Variants in COX18 observed in about 807,000 individuals in gnomAD.
COX18 encodes cytochrome c oxidase assembly protein COX18, mitochondrial.
COX18 carries 45 observed loss-of-function variants against 38.0 expected under a neutral mutation model. The ratio of observed to expected loss-of-function variants is 1.18; its 90% confidence interval spans 0.93 to 1.52. The LOEUF (loss-of-function observed/expected upper bound fraction) is 1.52, where lower values mean the gene tolerates loss of function less well. COX18 is among the 40% of genes most tolerant of loss of function. The pLI, the probability that COX18 is intolerant of heterozygous loss-of-function variation, is 0.00. For missense variants in COX18, 462 were observed against 423.8 expected (o/e 1.09, Z -0.79); for synonymous variants, 177 against 169.8 (o/e 1.04, Z -0.33).
rs1468330318 is a variant in COX18 at position 73,053,753 on chromosome 4, G to A, written c.*4361C>T. The A allele has an allele frequency of 3.3e-5, 5 of 152,176 alleles. No individual in the cohort carries two copies. Among genetic ancestry groups the A allele is most frequent in the African/African-American group, 1.2e-4 (5 of 41,432 alleles). The allele number at this position is 152,176 out of a possible 1,614,324, so 9.4% of individuals were successfully genotyped here. ...GCACCTTCTCCTGGGTTATCTGTCA[G>A]GGTGGCAATTAAGAATTTTGGTTTT... On this transcript the variant is annotated 3_prime_UTR_variant, in exon 6 of 6. Coordinates refer to ENST00000507544, the MANE Select transcript of COX18 (RefSeq NM_001297732.2).
Position 73,058,062 on chromosome 4 carries a change from C to T in COX18, c.*52G>A. 2.6e-6 allele frequency: 3 copies of T among 1,153,674 alleles called. No homozygotes were observed. The highest frequency in any genetic ancestry group is 3.8e-6 in the Non-Finnish European group (3 of 796,034). 71.5% of individuals were successfully genotyped at this position (1,153,674 alleles called of 1,614,324 possible). On this transcript the variant is annotated 3_prime_UTR_variant, in exon 6 of 6. Coordinates refer to ENST00000507544, the MANE Select transcript of COX18 (RefSeq NM_001297732.2). Reference sequence around the variant, plus strand: ...ACATCTGAATTTCTAAGTCTAAATACATTTAGATGATAGTGACTCCTGCAA... The same window carrying T: ...ACATCTGAATTTCTAAGTCTAAATATATTTAGATGATAGTGACTCCTGCAA...
rs1313828550 is a variant in COX18, at chr4:73,056,504, G to GA, written c.*1609dup. 3 of 152,182 alleles carry GA rather than the reference G, an allele frequency of 2.0e-5. No homozygotes were observed. Among genetic ancestry groups the GA allele is most frequent in the Admixed American group, 6.5e-5 (1 of 15,268 alleles). The allele number at this position is 152,182 out of a possible 1,614,324, so 9.4% of individuals were successfully genotyped here. A position where few individuals can be genotyped will look rare whatever the true frequency, so the allele number is the denominator to read the frequency against. ...CAGACTTCTTAAATTATAGAAAAAG[G>GA]AATGTACACTTTTTGTATTCTTTCT... On this transcript the variant is annotated 3_prime_UTR_variant, in exon 6 of 6. Transcript: ENST00000507544.
At position 73,065,238 on chromosome 4, in the gene COX18, T is replaced by C. The variant is rs760331285; in HGVS notation, c.598+12A>G. 2.6e-6 allele frequency: 4 copies of C among 1,535,334 alleles called. No homozygotes were observed. Among genetic ancestry groups the C allele is most frequent in the African/African-American group, 2.8e-5 (2 of 71,602 alleles). ...TAGAGAACTTCTTTGGGAGAAGACA[T>C]ACAATAATTACCTTCTGAATGTGCT... On this transcript the variant is annotated intron_variant, in intron 3 of 5. Transcript: ENST00000507544.
At chr4:73,061,957 T>A in intron 4 of COX18, 37 bp from the exon 5 acceptor site, 1 of 1,038,614 alleles carries the variant, frequency 9.6e-7, no homozygotes, top group Non-Finnish European at 1.5e-6. Context: ...TAATGATTAT[T>A]AAAACGCATA....
Position 73,056,915 on chromosome 4 carries a change from G to C in COX18, c.*1199C>G, listed in dbSNP as rs1487114259. 6.6e-6 allele frequency: 1 copy of C among 152,236 alleles called. No individual in the cohort carries two copies. Among genetic ancestry groups the C allele is most frequent in the African/African-American group, 2.4e-5 (1 of 41,408 alleles). The allele number at this position is 152,236 out of a possible 1,614,324, so 9.4% of individuals were successfully genotyped here. A position where few individuals can be genotyped will look rare whatever the true frequency, so the allele number is the denominator to read the frequency against. On this transcript the variant is annotated 3_prime_UTR_variant, in exon 6 of 6. Coordinates refer to ENST00000507544, the MANE Select transcript of COX18 (RefSeq NM_001297732.2). ...GTGGGCAGATCACTTGAGGCCAGGAGTTCAAGACCAGCCTAGCCAACATGG... is the reference window on the plus strand; with the variant it reads ...GTGGGCAGATCACTTGAGGCCAGGACTTCAAGACCAGCCTAGCCAACATGG...
rs554396142 is a variant in COX18, at chr4:73,055,131, G to A, written c.*2983C>T. On this transcript the variant is annotated 3_prime_UTR_variant, in exon 6 of 6. Transcript: ENST00000507544. ...AGGCCATTATGAGAAAAATATCTGA[G>A]TGTACACAGTAACACACACGGCAAA... 2 of 152,156 alleles carry A rather than the reference G, an allele frequency of 1.3e-5. No individual in the cohort carries two copies. The highest frequency in any genetic ancestry group is 2.9e-5 in the Non-Finnish European group (2 of 68,042). 9.4% of individuals were successfully genotyped at this position (152,156 alleles called of 1,614,324 possible). A position where few individuals can be genotyped will look rare whatever the true frequency, so the allele number is the denominator to read the frequency against.
At chr4:73,061,752 G>C in intron 5 of COX18, 61 bp downstream of exon 5, 1 of 874,634 alleles carries the variant, frequency 1.1e-6, no homozygotes, top group Non-Finnish European at 1.8e-6. Flanking sequence ...ATCCCAGCCA[G>C]TCTAAGCTAA....
In COX18 at chr4:73,056,358, A is replaced by C. The variant is rs1719886112; in HGVS notation, c.*1756T>G. 1 of 152,252 alleles carries C rather than the reference A, an allele frequency of 6.6e-6. No individual in the cohort carries two copies. The highest frequency in any genetic ancestry group is 1.5e-5 in the Non-Finnish European group (1 of 68,048). The allele number at this position is 152,252 out of a possible 1,614,324, so 9.4% of individuals were successfully genotyped here. A position where few individuals can be genotyped will look rare whatever the true frequency, so the allele number is the denominator to read the frequency against. ...GGGTACTTAATCCTTACAAATAAACAGGTTTAAAATCACCTCAATAGGCAA... is the reference window on the plus strand; with the variant it reads ...GGGTACTTAATCCTTACAAATAAACCGGTTTAAAATCACCTCAATAGGCAA... On this transcript the variant is annotated 3_prime_UTR_variant, in exon 6 of 6. Transcript: ENST00000507544.
At chr4:73,067,469 TTCTTA>T (rs767729488) in intron 2 of COX18, among the ~76,000 whole-genome samples, 1 of 152,194 alleles carries the variant, frequency 6.6e-6, no homozygotes, top group Non-Finnish European at 1.5e-5. Flanking sequence ...GAACATACTC[TTCTTA>T]TCTTTATCTA....
In COX18 at chr4:73,057,984, T is replaced by C; in HGVS notation, c.*130A>G. On this transcript the variant is annotated 3_prime_UTR_variant, in exon 6 of 6. Transcript: ENST00000507544. ...ACTGTGCCTGGTCTGGATTACATCTTAACCTACAATATTTCATGAAGTTAA... is the reference window on the plus strand; with the variant it reads ...ACTGTGCCTGGTCTGGATTACATCTCAACCTACAATATTTCATGAAGTTAA... The C allele has an allele frequency of 1.4e-6, 1 of 692,534 alleles. No individual in the cohort carries two copies. Among genetic ancestry groups the C allele is most frequent in the East Asian group, 3.0e-5 (1 of 33,174 alleles). 42.9% of individuals were successfully genotyped at this position (692,534 alleles called of 1,614,324 possible).
rs2110040792 is a variant in COX18 at position 73,055,220 on chromosome 4, T to A, written c.*2894A>T. On this transcript the variant is annotated 3_prime_UTR_variant, in exon 6 of 6. Transcript: ENST00000507544. ...TTTTCCTCAAATTCTTTCCTCTTTTTACTATGACCTAAGCTGCACACACAT... is the reference window on the plus strand; with the variant it reads ...TTTTCCTCAAATTCTTTCCTCTTTTAACTATGACCTAAGCTGCACACACAT... 1 of 152,372 alleles carries A rather than the reference T, an allele frequency of 6.6e-6. No individual in the cohort carries two copies. Among genetic ancestry groups the A allele is most frequent in the Non-Finnish European group, 1.5e-5 (1 of 68,040 alleles). The allele number at this position is 152,372 out of a possible 1,614,324, so 9.4% of individuals were successfully genotyped here.
In COX18 at chr4:73,062,509, T is replaced by C. The variant is rs533761982; in HGVS notation, c.724-589A>G. Among the ~76,000 whole-genome samples, 179 of 152,318 alleles carry C rather than the reference T, an allele frequency of 1.2e-3. 1 individual carries two copies. Among genetic ancestry groups the C allele is most frequent in the African/African-American group, 3.9e-3 (164 of 41,584 alleles). ...AAGCTCCACTTAACAATGATTTATATGGTAGCTACTGTCACAGGATTCTTC... is the reference window on the plus strand; with the variant it reads ...AAGCTCCACTTAACAATGATTTATACGGTAGCTACTGTCACAGGATTCTTC... On this transcript the variant is annotated intron_variant, in intron 4 of 5. Coordinates refer to ENST00000507544, the MANE Select transcript of COX18 (RefSeq NM_001297732.2).
intron 2 of COX18, 39 bp downstream of exon 2, chr4:73,067,980 GTGTGTGTGTA>G: frequency 2.0e-6 from 2 of 983,246 alleles, no homozygotes; most frequent in African/African-American, 1.6e-5. Flanking sequence ...GTGTGTGTGT[GTGTGTGTGTA>G]TGTGTGCGTA....
At chr4:73,066,826 T>C (rs1370165377) in intron 2 of COX18, among the ~76,000 whole-genome samples, 1 of 152,250 alleles carries the variant, frequency 6.6e-6, no homozygotes, top group Non-Finnish European at 1.5e-5. Context: ...TTTTTTAAAA[T>C]GTCAGATCTT....
rs1475468971 is a variant in COX18, at chr4:73,069,672, G to A, written c.-23C>T. 2 of 1,538,124 alleles carry A rather than the reference G, an allele frequency of 1.3e-6. No individual in the cohort carries two copies. Among genetic ancestry groups the A allele is most frequent in the African/African-American group, 1.4e-5 (1 of 73,444 alleles). On this transcript the variant is annotated 5_prime_UTR_variant, in exon 1 of 6. Coordinates refer to ENST00000507544, the MANE Select transcript of COX18 (RefSeq NM_001297732.2). ...CATTTCTGCACCACGGCGGAGCCCA[G>A]ATCCCGGGCCTCACAATCCAGCGGA... is the stretch of plus-strand genomic sequence containing the variant.
chr4:73,069,348 A>G lies in COX18; in HGVS notation c.302T>C (p.Leu101Ser). Residue 101 changes from leucine (L) to serine (S), a missense_variant, in exon 1 of 6, where the codon TTG becomes TCG. Physicochemically the swap from Leu to Ser is moderately radical, Grantham distance 145. Coordinates refer to ENST00000507544, the MANE Select transcript of COX18 (RefSeq NM_001297732.2). Reference protein sequence around the residue: ...VALRGAVTLPLAAYQHYILAK... With the variant: ...VALRGAVTLPSAAYQHYILAK... Reference sequence around the variant, plus strand: ...CAGGATGTAGTGCTGGTAGGCTGCCAAAGGCAGCGTGACAGCACCCCGTAA... The same window carrying G: ...CAGGATGTAGTGCTGGTAGGCTGCCGAAGGCAGCGTGACAGCACCCCGTAA... 4 of 1,550,760 alleles carry G rather than the reference A, an allele frequency of 2.6e-6. No individual in the cohort carries two copies. In the South Asian group the frequency reaches 4.7e-5, roughly 18 times the overall value.
chr4:73,062,832 C>G (rs527401770), intron 4 of COX18, among the ~76,000 whole-genome samples: 14 of 146,066 alleles, frequency 9.6e-5, no homozygotes, highest in Non-Finnish European at 2.0e-4. Context: ...GTAAGACCGT[C>G]TCCAAAAAAA....
rs1249235639 is a variant in COX18, at chr4:73,068,831, A to T, written c.333+486T>A. 3.9e-5 allele frequency among the ~76,000 whole-genome samples: 6 copies of T among 152,268 alleles called. No homozygotes were observed. The East Asian group carries it at 1.2e-3, about 29-fold the overall frequency. Reference sequence around the variant, plus strand: ...ATTAAAAGGTCAAGTAACTGCGACCAACCAGACACAGTCTTAGTCGGGTCT... The same window carrying T: ...ATTAAAAGGTCAAGTAACTGCGACCTACCAGACACAGTCTTAGTCGGGTCT... On this transcript the variant is annotated intron_variant, in intron 1 of 5. Coordinates refer to ENST00000507544, the MANE Select transcript of COX18 (RefSeq NM_001297732.2).
At chr4:73,066,053 T>C (rs1003518238) in intron 2 of COX18, among the ~76,000 whole-genome samples, 1 of 152,228 alleles carries the variant, frequency 6.6e-6, no homozygotes, top group African/African-American at 2.4e-5. Flanking sequence ...GTGTTCTATT[T>C]TATTCATCTT....
Sources: allele counts gnomAD v4.1 joint callset (sites outside exome capture counted in the v4.1 genomes callset), GRCh38; gene constraint gnomAD v4.1.1; transcripts MANE v1.5; gene names NCBI Gene and HGNC (gene_info 2026-07-23, HGNC 2026-07-21).